Variants in FGF9 observed in about 807,000 individuals in gnomAD.
The protein encoded by FGF9 is fibroblast growth factor 9 (glia-activating factor).
In FGF9, 3 loss-of-function variants were observed where a neutral mutation model predicts 19.9. The ratio of observed to expected loss-of-function variants is 0.15; its 90% CI spans 0.07 to 0.39. FGF9 has a LOEUF of 0.39. Ranked by LOEUF, FGF9 falls within the 10% of genes least tolerant of loss-of-function variation. The probability of loss-of-function intolerance (pLI) is 1.00; values close to 1 mark genes in which losing one functional copy is unlikely to be tolerated. For synonymous variants in FGF9, 107 were observed against 106.9 expected, an observed-to-expected ratio of 1.00 and a Z score of -0.01; for missense variants, 175 against 256.8, an observed-to-expected ratio of 0.68 and a Z score of 2.18.
At chr13:21,690,611 G>A (rs555608819) in intron 2 of FGF9, among the ~76,000 whole-genome samples, 15 of 152,252 alleles carry the variant, frequency 9.9e-5, no homozygotes, top group African/African-American at 3.4e-4. Flanking sequence ...TTGTGAATTC[G>A]CCTACTTACT....
At chr13:21,694,435 T>C (rs1476500149) in intron 2 of FGF9, among the ~76,000 whole-genome samples, 1 of 152,200 alleles carries the variant, frequency 6.6e-6, no homozygotes, top group Non-Finnish European at 1.5e-5. Flanking sequence ...TAGTCAATTG[T>C]CTTTGTAGCA....
At chr13:21,679,691 C>A (rs1212631515) in intron 1 of FGF9, among the ~76,000 whole-genome samples, 1 of 150,732 alleles carries the variant, frequency 6.6e-6, no homozygotes, top group African/African-American at 2.4e-5. Context: ...GTAATCCCAG[C>A]ACTTTGGGAA....
chr13:21,689,981 G>A (rs1872249058), intron 2 of FGF9, among the ~76,000 whole-genome samples: 1 of 152,160 alleles, frequency 6.6e-6, no homozygotes, highest in Admixed American at 6.5e-5. Flanking sequence ...TTTTCAGAAT[G>A]GATTGTTCAT....
At chr13:21,681,921 A>G (rs1041209035) in intron 2 of FGF9, among the ~76,000 whole-genome samples, 2 of 152,240 alleles carry the variant, frequency 1.3e-5, no homozygotes, top group African/African-American at 4.8e-5. Context: ...ATGTATAAGT[A>G]TGAATAATAT....
chr13:21,671,421 G>A lies in FGF9; in HGVS notation c.-492G>A. On this transcript the variant is annotated 5_prime_UTR_variant, in exon 1 of 3. Transcript: ENST00000382353. ...ATTCATGCTGATGTCTGCAGAGTCG[G>A]TTAGAGAGTAAAAACAGCGCATGCC... 2.4e-6 allele frequency: 1 copy of A among 416,938 alleles called. No homozygotes were observed. The allele number at this position is 416,938 out of a possible 1,614,324, so 25.8% of individuals were successfully genotyped here.
At chr13:21,684,777 G>A (rs1271197211) in intron 2 of FGF9, among the ~76,000 whole-genome samples, 3 of 152,200 alleles carry the variant, frequency 2.0e-5, no homozygotes, top group Admixed American at 6.5e-5. Flanking sequence ...TCTGTAGTTT[G>A]AATTTCTCAG....
rs1871795371 is a variant in FGF9 at position 21,672,605 on chromosome 13, A to AG, written c.277+416_277+417insG. 6.6e-6 allele frequency among the ~76,000 whole-genome samples: 1 copy of AG among 152,162 alleles called. No homozygotes were observed. Among genetic ancestry groups the AG allele is most frequent in the South Asian group, 2.1e-4 (1 of 4,830 alleles). On this transcript the variant is annotated intron_variant, in intron 1 of 2. Transcript: ENST00000382353. The surrounding 1 kb of genome is among the most constrained non-coding windows in gnomAD (Gnocchi z 4.2). ...GCAGTGGGTATCTTGTGCCCAAATT[A>AG]AGGTTTTTTTCCTTTCCCCCTTTCC...
intron 2 of FGF9, among the ~76,000 whole-genome samples, chr13:21,700,392 G>A (rs1017298762): frequency 1.8e-4 from 28 of 152,116 alleles, no homozygotes; most frequent in African/African-American, 6.5e-4. Flanking sequence ...TTCTCCCAGG[G>A]ACCTGTTAAA....
chr13:21,691,629 T>C lies in FGF9; in HGVS notation c.382-9561T>C, dbSNP rs1292524731. Among the ~76,000 whole-genome samples the C allele has an allele frequency of 1.3e-5, 2 of 152,204 alleles. No individual in the cohort carries two copies. Among genetic ancestry groups the C allele is most frequent in the Non-Finnish European group, 2.9e-5 (2 of 68,042 alleles). On this transcript the variant is annotated intron_variant, in intron 2 of 2. Transcript: ENST00000382353. The surrounding 1 kb of genome is among the most constrained non-coding windows in gnomAD (Gnocchi z 4.2). ...GCCCCTCCGGGGCTGTCGTTCAGCG[T>C]CCTGGCCCGAGAGATGCCCTCCATC...
Position 21,671,854 on chromosome 13 carries a change from C to T in FGF9, c.-59C>T, listed in dbSNP as rs1049482815. 6 of 1,603,280 alleles carry T rather than the reference C, an allele frequency of 3.7e-6. No individual in the cohort carries two copies. In the African/African-American group the frequency reaches 4.0e-5, roughly 11 times the overall value. On this transcript the variant is annotated 5_prime_UTR_variant, in exon 1 of 3. Transcript: ENST00000382353. Reference sequence around the variant, plus strand: ...GAGTTGGATATACCTCGCCTAATATCTCCTGGGTTGACACCATCATTATTG... The same window carrying T: ...GAGTTGGATATACCTCGCCTAATATTTCCTGGGTTGACACCATCATTATTG...
chr13:21,694,067 A>G (rs1211090249), intron 2 of FGF9, among the ~76,000 whole-genome samples: 3 of 152,084 alleles, frequency 2.0e-5, no homozygotes, highest in African/African-American at 7.2e-5. Context: ...AATCACTAGA[A>G]TCTTAGGCTT....
At chr13:21,679,912 G>A (rs1384603789) in intron 1 of FGF9, among the ~76,000 whole-genome samples, 6 of 140,644 alleles carry the variant, frequency 4.3e-5, no homozygotes, top group African/African-American at 2.7e-5. Context: ...AGCCAAGATC[G>A]CACCACTACA....
At chr13:21,679,674 C>T (rs1369023881) in intron 1 of FGF9, among the ~76,000 whole-genome samples, 3 of 151,256 alleles carry the variant, frequency 2.0e-5, no homozygotes, top group Admixed American at 2.0e-4. Flanking sequence ...CGCGGTAGCT[C>T]ACGCCTGTAA....
intron 2 of FGF9, among the ~76,000 whole-genome samples, chr13:21,687,079 A>G (rs1359166518): frequency 1.3e-5 from 2 of 152,230 alleles, no homozygotes; most frequent in East Asian, 3.8e-4. Context: ...GCCCTGGTTT[A>G]TATGGCTCCA....
At chr13:21,676,810 C>T (rs1871927107) in intron 1 of FGF9, among the ~76,000 whole-genome samples, 1 of 152,210 alleles carries the variant, frequency 6.6e-6, no homozygotes, top group Non-Finnish European at 1.5e-5. Flanking sequence ...GCAGCTCTGA[C>T]TGCCTTCCTC....
rs1178166598 is a variant in FGF9, at chr13:21,702,919, T to A, written c.*1484T>A. On this transcript the variant is annotated 3_prime_UTR_variant, in exon 3 of 3. Coordinates refer to ENST00000382353, the MANE Select transcript of FGF9 (RefSeq NM_002010.3). ...GGTCTCCACAAGCGCTCAATTTTTT[T>A]AGAGGGGATATTACTATATAGAATA... 2 of 152,220 alleles carry A rather than the reference T, an allele frequency of 1.3e-5. No homozygotes were observed. Among genetic ancestry groups the A allele is most frequent in the Non-Finnish European group, 2.9e-5 (2 of 68,030 alleles). The allele number at this position is 152,220 out of a possible 1,614,324, so 9.4% of individuals were successfully genotyped here.
chr13:21,693,337 C>T (rs1414999649), intron 2 of FGF9, among the ~76,000 whole-genome samples: 1 of 152,032 alleles, frequency 6.6e-6, no homozygotes, highest in Non-Finnish European at 1.5e-5. Flanking sequence ...CCTCATCTCC[C>T]TTGCATTCTT....
At position 21,691,477 on chromosome 13, in the gene FGF9, G is replaced by A. The variant is rs1462401059; in HGVS notation, c.382-9713G>A. Reference sequence around the variant, plus strand: ...AACATGGAGGCTTCTGGATGTCTCCGGATTCTGTGGTCTTTCCTCTGTCCC... The same window carrying A: ...AACATGGAGGCTTCTGGATGTCTCCAGATTCTGTGGTCTTTCCTCTGTCCC... On this transcript the variant is annotated intron_variant, in intron 2 of 2. Coordinates refer to ENST00000382353, the MANE Select transcript of FGF9 (RefSeq NM_002010.3). The surrounding 1 kb of genome is among the most constrained non-coding windows in gnomAD (Gnocchi z 4.2). Among the ~76,000 whole-genome samples, 2 of 152,192 alleles carry A rather than the reference G, an allele frequency of 1.3e-5. No homozygotes were observed. The highest frequency in any genetic ancestry group is 2.4e-5 in the African/African-American group (1 of 41,454).
At chr13:21,677,466 G>A (rs1478327298) in intron 1 of FGF9, among the ~76,000 whole-genome samples, 1 of 152,192 alleles carries the variant, frequency 6.6e-6, no homozygotes, top group Non-Finnish European at 1.5e-5. Context: ...ATAACATGTG[G>A]AGTGGGTTGT....
Sources: gnomAD v4.1 joint callset for allele counts (sites outside exome capture counted in the v4.1 genomes callset) on GRCh38, gnomAD v4.1.1 for gene constraint, Gnocchi (gnomAD v3.1) non-coding constraint, MANE v1.5 for transcripts, NCBI Gene and HGNC (gene_info 2026-07-23, HGNC 2026-07-21) for gene names.